The following SNX24 variants were observed in gnomAD, a reference collection of about 807,000 sequenced individuals.
The protein encoded by SNX24 is sorting nexin 24, also known as sorting nexin-24.
A neutral mutation model predicts 28.7 loss-of-function variants in SNX24; 22 were observed. The observed-to-expected ratio is 0.77, with a 90% CI of 0.55 to 1.10. The LOEUF (loss-of-function observed/expected upper bound fraction) is 1.10. Ranked by LOEUF, SNX24 falls within the 50% of genes least tolerant of loss-of-function variation. SNX24 has a pLI of 0.00. For synonymous variants in SNX24, 69 were observed against 71.5 expected (o/e 0.96, Z 0.18); for missense variants, 221 against 201.1 (o/e 1.10, Z -0.60).
At chr5:122,877,783 GTT>G (rs1756297763) in intron 1 of SNX24, among the ~76,000 whole-genome samples, 1 of 151,988 alleles carries the variant, frequency 6.6e-6, no homozygotes, top group African/African-American at 2.4e-5. Context: ...AATGGTGAGA[GTT>G]TTGATTCTGC....
At chr5:122,955,896 A>G (rs975476179) in intron 3 of SNX24, among the ~76,000 whole-genome samples, 1 of 152,178 alleles carries the variant, frequency 6.6e-6, no homozygotes, top group African/African-American at 2.4e-5. Context: ...GTGGAAGTCT[A>G]GGCTTCCCAC....
chr5:122,956,572 TCATGTAATTC>T (rs1453550167), intron 3 of SNX24, among the ~76,000 whole-genome samples: 1 of 152,178 alleles, frequency 6.6e-6, no homozygotes, highest in Non-Finnish European at 1.5e-5. Flanking sequence ...GATTGCTTGA[TCATGTAATTC>T]CATTCTTAAT....
rs9327282 is a variant in SNX24, at chr5:122,956,367, T to TACAC, written c.249+10244_249+10247dup. 2.6e-3 allele frequency among the ~76,000 whole-genome samples: 388 copies of TACAC among 147,242 alleles called. 2 individuals are homozygous for TACAC. Among genetic ancestry groups the TACAC allele is most frequent in the Non-Finnish European group, 3.2e-3 (214 of 66,274 alleles). Reference sequence around the variant, plus strand: ...AAACACTTGGGAAAAAAAAAATATATACACACACACACACACACACACACA... The same window carrying TACAC: ...AAACACTTGGGAAAAAAAAAATATATACACACACACACACACACACACACACACA... On this transcript the variant is annotated intron_variant, in intron 3 of 6. Transcript: ENST00000261369.
intron 3 of SNX24, among the ~76,000 whole-genome samples, chr5:122,964,101 G>A (rs1462713786): frequency 1.3e-5 from 2 of 151,702 alleles, no homozygotes; most frequent in Non-Finnish European, 2.9e-5. Flanking sequence ...AAATTAGCTG[G>A]GCGTGGTGGC....
intron 3 of SNX24, among the ~76,000 whole-genome samples, chr5:122,996,438 A>G (rs1762056495): frequency 6.6e-6 from 1 of 152,168 alleles, no homozygotes; most frequent in Non-Finnish European, 1.5e-5. Context: ...AGATGTATGT[A>G]TGTTTTCCAG....
chr5:122,969,991 C>T (rs3776183), intron 3 of SNX24, among the ~76,000 whole-genome samples: 1 of 151,938 alleles, frequency 6.6e-6, no homozygotes, highest in Non-Finnish European at 1.5e-5. Context: ...AAAAACTACT[C>T]TCTTCACTAA....
chr5:123,012,420 T>G (rs1041970868), downstream of SNX24, among the ~76,000 whole-genome samples: 9 of 152,168 alleles, frequency 5.9e-5, no homozygotes, highest in Non-Finnish European at 1.5e-5. Flanking sequence ...AAGCAAATAC[T>G]GTATGATTCC....
At chr5:122,881,529 C>G (rs1368165678) in intron 1 of SNX24, among the ~76,000 whole-genome samples, 3 of 152,132 alleles carry the variant, frequency 2.0e-5, no homozygotes, top group Non-Finnish European at 4.4e-5. Context: ...CTCAGGATCT[C>G]AGGCTTAGAG....
At chr5:122,997,145 A>C (rs1008441451) in intron 3 of SNX24, among the ~76,000 whole-genome samples, 7 of 152,212 alleles carry the variant, frequency 4.6e-5, no homozygotes, top group African/African-American at 1.4e-4. Context: ...ACATTAGGTA[A>C]ATTCTTCTGT....
At chr5:122,956,881 GT>G (rs199851078) in intron 3 of SNX24, among the ~76,000 whole-genome samples, 5 of 149,134 alleles carry the variant, frequency 3.4e-5, no homozygotes, top group Admixed American at 6.7e-5. Flanking sequence ...TAATTGGGTG[GT>G]TTTTTTTTCA....
At chr5:122,885,737 G>A (rs754142987) in intron 1 of SNX24, among the ~76,000 whole-genome samples, 19 of 152,130 alleles carry the variant, frequency 1.2e-4, no homozygotes, top group Non-Finnish European at 2.6e-4. Flanking sequence ...GAGGTTTGGA[G>A]GATTCTGGGC....
At chr5:122,855,440 A>G (rs1755139553) in intron 1 of SNX24, among the ~76,000 whole-genome samples, 1 of 152,118 alleles carries the variant, frequency 6.6e-6, no homozygotes, top group African/African-American at 2.4e-5. Flanking sequence ...TCTCTGTAGC[A>G]TGTGATGCTG....
rs572775559 is a variant in SNX24, at chr5:122,907,471, G to A, written c.61-29263G>A. 2.6e-5 allele frequency among the ~76,000 whole-genome samples: 4 copies of A among 152,290 alleles called. No homozygotes were observed. The East Asian group carries it at 7.7e-4, about 29-fold the overall frequency. On this transcript the variant is annotated intron_variant, in intron 1 of 6. Coordinates refer to ENST00000261369, the MANE Select transcript of SNX24 (RefSeq NM_014035.4). ...AAAGTTTTAGCATTCTTTCACCTAG[G>A]AGTCACGGGGCTGGTAATTCTGTCC...
intron 3 of SNX24, among the ~76,000 whole-genome samples, chr5:122,952,820 A>T (rs1186546070): frequency 6.6e-6 from 1 of 152,228 alleles, no homozygotes; most frequent in Non-Finnish European, 1.5e-5. Context: ...TAAGTGTGTT[A>T]TCCAACTGAA....
At chr5:123,007,246 A>T (rs1762450002) in intron 6 of SNX24, among the ~76,000 whole-genome samples, 1 of 152,246 alleles carries the variant, frequency 6.6e-6, no homozygotes, top group Non-Finnish European at 1.5e-5. Flanking sequence ...ACTCAGGACA[A>T]CTTGGACTAA....
At chr5:122,960,022 A>G (rs928530665) in intron 3 of SNX24, among the ~76,000 whole-genome samples, 5 of 152,164 alleles carry the variant, frequency 3.3e-5, no homozygotes, top group African/African-American at 1.2e-4. Context: ...TCCCCTCCCT[A>G]CACGGGCTGT....
chr5:123,023,285 A>G (rs1762788995), intron 5 of SNX24: 1 of 152,246 alleles, frequency 6.6e-6, no homozygotes, highest in Non-Finnish European at 1.5e-5. Context: ...TTTGATTTAT[A>G]AAATCTTTCT....
At chr5:122,925,156 A>T (rs967013827) in intron 1 of SNX24, among the ~76,000 whole-genome samples, 1 of 26,730 alleles carries the variant, frequency 3.7e-5, no homozygotes, top group African/African-American at 1.5e-4. Context: ...TGCCCCTCCC[A>T]TCCCCTCCCA....
intron 1 of SNX24, among the ~76,000 whole-genome samples, chr5:122,923,771 A>C (rs976294719): frequency 6.6e-6 from 1 of 152,188 alleles, no homozygotes; most frequent in Non-Finnish European, 1.5e-5. Flanking sequence ...CCTGATGCTC[A>C]TAGAAAGGAG....
Sources: gnomAD v4.1 joint callset for allele counts (sites outside exome capture counted in the v4.1 genomes callset) on GRCh38, gnomAD v4.1.1 for gene constraint, MANE v1.5 for transcripts, NCBI Gene and HGNC (gene_info 2026-07-23, HGNC 2026-07-21) for gene names.